L2HGDH: variants seen among roughly 807,000 people sequenced by gnomAD.
L2HGDH encodes L-2-hydroxyglutarate dehydrogenase, also known as L-2-hydroxyglutarate dehydrogenase, mitochondrial.
Under a neutral mutation model 51.5 loss-of-function variants are expected in L2HGDH, and 34 were observed. That is an observed-to-expected ratio of 0.66 (90% CI 0.50 to 0.88). The LOEUF is 0.88. L2HGDH is among the 40% of genes least tolerant of loss of function. L2HGDH has a pLI of 0.00. For synonymous variants in L2HGDH, 198 were observed against 197.9 expected (o/e 1.00, Z -0.01); for missense variants, 558 against 571.9 (o/e 0.98, Z 0.25).
intron 4 of L2HGDH, among the ~76,000 whole-genome samples, chr14:50,291,141 T>G (rs1890856983): frequency 7.9e-6 from 1 of 126,634 alleles, no homozygotes; most frequent in Non-Finnish European, 1.5e-5. Context: ...GAGGTTGCAG[T>G]GAGCCGAAAT....
chr14:50,294,628 CCTT>C (rs1188927495), intron 3 of L2HGDH, among the ~76,000 whole-genome samples: 1 of 152,122 alleles, frequency 6.6e-6, no homozygotes, highest in African/African-American at 2.4e-5. Context: ...AACAGAATGG[CCTT>C]CTTATTTCTT....
At chr14:50,285,834 T>C (rs1400037270) in intron 4 of L2HGDH, among the ~76,000 whole-genome samples, 3 of 152,332 alleles carry the variant, frequency 2.0e-5, no homozygotes, top group East Asian at 3.9e-4. Flanking sequence ...ATTCCAGACC[T>C]TCCCTAGAAG....
intron 3 of L2HGDH, among the ~76,000 whole-genome samples, chr14:50,296,040 CAT>C (rs2030024508): frequency 6.6e-6 from 1 of 151,950 alleles, no homozygotes; most frequent in Admixed American, 6.6e-5. Context: ...CACCCAGCCT[CAT>C]AGCAACTTTA....
intron 6 of L2HGDH, among the ~76,000 whole-genome samples, chr14:50,273,574 C>T (rs529245080): frequency 2.0e-5 from 3 of 151,434 alleles, no homozygotes; most frequent in Non-Finnish European, 4.4e-5. Flanking sequence ...ATATAAGGCA[C>T]CAAAAGCACA....
At chr14:50,292,776 TAG>T (rs2139189303) in intron 4 of L2HGDH, among the ~76,000 whole-genome samples, 1 of 151,928 alleles carries the variant, frequency 6.6e-6, no homozygotes, top group South Asian at 2.1e-4. Flanking sequence ...TCCCAGCTAC[TAG>T]AGAGGCCGAG....
chr14:50,311,431 C>A (rs1192702981), intron 1 of L2HGDH: 2 of 456,080 alleles, frequency 4.4e-6, no homozygotes, highest in Non-Finnish European at 8.8e-6. Flanking sequence ...CAAACTGTTT[C>A]TTCTACAGAG....
At chr14:50,292,960 A>G (rs7142135) in intron 4 of L2HGDH, among the ~76,000 whole-genome samples, 87,873 of 151,844 alleles carry the variant, frequency 0.58, 25,455 homozygotes, top group East Asian at 0.66. Context: ...GGGAGGCCAA[A>G]ACAGGTGGAT....
chr14:50,298,225 C>G (rs1224757468), intron 3 of L2HGDH, among the ~76,000 whole-genome samples: 1 of 149,244 alleles, frequency 6.7e-6, no homozygotes, highest in African/African-American at 2.5e-5. Flanking sequence ...GGCTGGGTAA[C>G]AGCAAGACTC....
At chr14:50,310,025 T>C (rs1227656011) in intron 1 of L2HGDH, among the ~76,000 whole-genome samples, 1 of 151,972 alleles carries the variant, frequency 6.6e-6, no homozygotes, top group Non-Finnish European at 1.5e-5. Flanking sequence ...AGGTGGTAGT[T>C]ACACAAATTA....
chr14:50,266,123 G>A (rs1435349955), intron 8 of L2HGDH, among the ~76,000 whole-genome samples: 3 of 144,328 alleles, frequency 2.1e-5, no homozygotes, highest in Non-Finnish European at 4.5e-5. Context: ...TTCAGCCTGG[G>A]CAACAGTGAA....
intron 6 of L2HGDH, among the ~76,000 whole-genome samples, chr14:50,271,588 C>G (rs1254508261): frequency 6.6e-6 from 1 of 152,104 alleles, no homozygotes; most frequent in Non-Finnish European, 1.5e-5. Flanking sequence ...CGCCTGTAGT[C>G]CCAACACTTT....
rs59390116 is a variant in L2HGDH at position 50,302,089 on chromosome 14, T to A, written c.336A>T (p.Leu112Phe). ...AGAGGAGGGCTGCACCTTGTACACATAATTTGGCTTTCAGAGACTCAGGTT... is the reference window on the plus strand; with the variant it reads ...AGAGGAGGGCTGCACCTTGTACACAAAATTTGGCTTTCAGAGACTCAGGTT... Reference protein sequence around the residue: ...YYKPESLKAKLCVQGAALLYE... With the variant: ...YYKPESLKAKFCVQGAALLYE... The change falls in exon 3 of 10, where the codon TTA becomes TTT. Residue 112 changes from leucine (L) to phenylalanine (F), a missense_variant. Physicochemically the swap from Leu to Phe is conservative, Grantham distance 22. Coordinates refer to ENST00000267436, the MANE Select transcript of L2HGDH (RefSeq NM_024884.3). The A allele has an allele frequency of 5.6e-6, 9 of 1,614,022 alleles. No individual in the cohort carries two copies. In the East Asian group the frequency reaches 2.0e-4, roughly 36 times the overall value.
At chr14:50,249,320 T>C (rs1888198832) in intron 9 of L2HGDH, among the ~76,000 whole-genome samples, 1 of 152,152 alleles carries the variant, frequency 6.6e-6, no homozygotes, top group African/African-American at 2.4e-5. Flanking sequence ...TCTAGGGAGA[T>C]ACCAGCCGGC....
At chr14:50,307,980 C>T (rs1254885157) in intron 1 of L2HGDH, among the ~76,000 whole-genome samples, 2 of 152,050 alleles carry the variant, frequency 1.3e-5, no homozygotes, top group Admixed American at 1.3e-4. Flanking sequence ...AAAACTTTTG[C>T]TCTGCAAAAA....
intron 4 of L2HGDH, among the ~76,000 whole-genome samples, chr14:50,284,880 T>C (rs1189304194): frequency 2.0e-5 from 3 of 152,240 alleles, no homozygotes; most frequent in Non-Finnish European, 4.4e-5. Flanking sequence ...TATAATACTA[T>C]TGTAAAGATC....
chr14:50,302,961 G>A lies in L2HGDH; in HGVS notation c.197C>T (p.Ala66Val). The A allele has an allele frequency of 6.2e-7, 1 of 1,614,016 alleles. No individual in the cohort carries two copies. Among genetic ancestry groups the A allele is most frequent in the Non-Finnish European group, 8.5e-7 (1 of 1,179,894 alleles). ...GGIVGLASAR[A>V]LILRHPSLSI... ...AAGTGATGGATGTCGCAGGATGAGT[G>A]CTCTGGCAGAGGCAAGCCCCACAAT... is the stretch of plus-strand genomic sequence containing the variant. The change falls in exon 2 of 10, where the codon GCA becomes GTA. Residue 66 changes from alanine (A) to valine (V), a missense_variant. This residue lies in a region of L2HGDH where 194 missense variants were observed against 187.2 expected (regional missense o/e 1.04). Transcript: ENST00000267436.
At chr14:50,257,781 A>T (rs1252731314) in intron 9 of L2HGDH, among the ~76,000 whole-genome samples, 2 of 146,958 alleles carry the variant, frequency 1.4e-5, no homozygotes. Context: ...TCATGTTTTC[A>T]TTACCTTGTT....
At chr14:50,303,923 C>T (rs564713758) in intron 1 of L2HGDH, among the ~76,000 whole-genome samples, 2 of 151,670 alleles carry the variant, frequency 1.3e-5, no homozygotes, top group East Asian at 3.9e-4. Flanking sequence ...TCTTTATCTC[C>T]ATAGCACGGC....
At chr14:50,269,121 C>A (rs373034406) in intron 7 of L2HGDH, 42 bp downstream of exon 7, 7 of 1,515,466 alleles carry the variant, frequency 4.6e-6, no homozygotes, top group East Asian at 2.3e-5. Flanking sequence ...ATGACCACCA[C>A]CTGCTTGAAA....
Sources: gnomAD v4.1 joint callset for allele counts (sites outside exome capture counted in the v4.1 genomes callset) on GRCh38, gnomAD v4.1.1 for gene constraint, gnomAD v4.1.1 regional missense constraint, MANE v1.5 for transcripts, NCBI Gene and HGNC (gene_info 2026-07-23, HGNC 2026-07-21) for gene names.